TMTC1: variants seen among roughly 807,000 people sequenced by gnomAD.
TMTC1 encodes the protein transmembrane O-mannosyltransferase targeting cadherins 1.
In TMTC1, 73 loss-of-function variants were observed where a neutral mutation model predicts 104.8. The ratio of observed to expected loss-of-function variants is 0.70; its 90% CI spans 0.58 to 0.85. The LOEUF is 0.85. Among genes scored for constraint, TMTC1 ranks in the 40% least tolerant of loss-of-function variants. TMTC1 has a pLI of 0.00. For synonymous variants in TMTC1, 434 were observed against 428.7 expected (o/e 1.01, Z -0.15); for missense variants, 1,035 against 1,096.1 (o/e 0.94, Z 0.79).
chr12:29,722,859 T>A (rs1184108338), intron 5 of TMTC1, among the ~76,000 whole-genome samples: 1 of 146,380 alleles, frequency 6.8e-6, no homozygotes, highest in Non-Finnish European at 1.5e-5. Flanking sequence ...AGGCAGAGGT[T>A]GCAGTGAGCT....
chr12:29,608,139 A>T (rs167253), intron 6 of TMTC1, among the ~76,000 whole-genome samples: 65,271 of 151,990 alleles, frequency 0.43, 14,402 homozygotes, highest in African/African-American at 0.49. Flanking sequence ...CTTATTTGAA[A>T]AACATATCAA....
chr12:29,531,056 A>T (rs188001462), intron 11 of TMTC1, among the ~76,000 whole-genome samples: 25 of 152,270 alleles, frequency 1.6e-4, no homozygotes, highest in African/African-American at 6.0e-4. Flanking sequence ...CTTGTGTTAG[A>T]CATTGGGGAG....
At chr12:29,511,468 C>T (rs1353034959) in intron 17 of TMTC1, among the ~76,000 whole-genome samples, 1 of 152,110 alleles carries the variant, frequency 6.6e-6, no homozygotes, top group Non-Finnish European at 1.5e-5. Context: ...GCGAATCGTT[C>T]ATTGCATTAG....
chr12:29,665,297 G>A (rs1940233676), intron 5 of TMTC1, among the ~76,000 whole-genome samples: 2 of 152,176 alleles, frequency 1.3e-5, no homozygotes, highest in South Asian at 2.1e-4. Flanking sequence ...AAGGTTATTG[G>A]CATTGTAAAA....
intron 11 of TMTC1, among the ~76,000 whole-genome samples, chr12:29,521,798 C>T (rs1010531253): frequency 1.3e-5 from 2 of 151,976 alleles, no homozygotes; most frequent in African/African-American, 4.8e-5. Context: ...AAACTCCTGG[C>T]CTCAAGTGAT....
intron 5 of TMTC1, among the ~76,000 whole-genome samples, chr12:29,643,630 A>ATATATAATATATATTTTATAT (rs1555180717): frequency 1.1e-4 from 3 of 26,792 alleles, no homozygotes; most frequent in Non-Finnish European, 1.8e-4. Flanking sequence ...TCTATATATT[A>ATATATAATATATATTTTATAT]TATATATAAT....
intron 6 of TMTC1, among the ~76,000 whole-genome samples, chr12:29,618,810 T>C (rs1009302238): frequency 1.3e-5 from 2 of 152,202 alleles, no homozygotes; most frequent in East Asian, 3.8e-4. Flanking sequence ...GGTGTGCTCC[T>C]TTAAATAGAA....
At chr12:29,560,530 T>C (rs1227955261) in intron 9 of TMTC1, among the ~76,000 whole-genome samples, 1 of 152,056 alleles carries the variant, frequency 6.6e-6, no homozygotes, top group Non-Finnish European at 1.5e-5. Flanking sequence ...AGGTCAAGGC[T>C]GGCAGATCGC....
intron 17 of TMTC1, among the ~76,000 whole-genome samples, chr12:29,508,404 T>C (rs906608318): frequency 6.6e-6 from 1 of 152,202 alleles, no homozygotes; most frequent in Non-Finnish European, 1.5e-5. Context: ...GGTCTAAGAG[T>C]GCTCTCAAAA....
chr12:29,586,326 A>G (rs1305777711), intron 7 of TMTC1, among the ~76,000 whole-genome samples: 4 of 152,094 alleles, frequency 2.6e-5, no homozygotes, highest in Non-Finnish European at 5.9e-5. Context: ...CAGCTTAAGG[A>G]GATTTTGGGC....
rs80293535 is a variant in TMTC1 at position 29,770,231 on chromosome 12, C to T, written c.303-2156G>A. Among the ~76,000 whole-genome samples the T allele has an allele frequency of 3.9e-5, 6 of 152,274 alleles. No individual in the cohort carries two copies. In the East Asian group the frequency reaches 1.2e-3, roughly 29 times the overall value. ...AGCATCATTAAAGATGGCATTATTA[C>T]TATGTTACCTATACTCTTATCAGGT... On this transcript the variant is annotated intron_variant, in intron 1 of 17. Coordinates refer to ENST00000539277, the MANE Select transcript of TMTC1 (RefSeq NM_001193451.2).
chr12:29,641,012 G>A (rs1218062613), intron 5 of TMTC1: 1 of 152,126 alleles, frequency 6.6e-6, no homozygotes, highest in Non-Finnish European at 1.5e-5. Flanking sequence ...AGCAGAGGCA[G>A]CCGTAATCCT....
intron 5 of TMTC1, among the ~76,000 whole-genome samples, chr12:29,696,582 C>A (rs1941431445): frequency 6.6e-6 from 1 of 152,126 alleles, no homozygotes; most frequent in Admixed American, 6.6e-5. Context: ...AATGTTATTG[C>A]TTACTTTCTT....
chr12:29,598,800 T>C (rs1396808286), intron 7 of TMTC1, among the ~76,000 whole-genome samples: 1 of 152,214 alleles, frequency 6.6e-6, no homozygotes, highest in African/African-American at 2.4e-5. Flanking sequence ...CGCTAATGAA[T>C]TCATTTATTA....
Position 29,773,087 on chromosome 12 carries a change from A to G in TMTC1, c.303-5012T>C, listed in dbSNP as rs150916647. Among the ~76,000 whole-genome samples the G allele has an allele frequency of 3.9e-5, 6 of 152,310 alleles. No homozygotes were observed. The East Asian group carries it at 1.2e-3, about 29-fold the overall frequency. ...ATTTTTGGAAATAATCTTAATAGCC[A>G]TCTCTCACTATCTGAAAACCTTCCA... is the stretch of plus-strand genomic sequence containing the variant. On this transcript the variant is annotated intron_variant, in intron 1 of 17. Transcript: ENST00000539277.
chr12:29,593,467 A>G (rs934785247), intron 7 of TMTC1, among the ~76,000 whole-genome samples: 11 of 152,360 alleles, frequency 7.2e-5, no homozygotes, highest in South Asian at 2.1e-4. Context: ...TAATTTCATT[A>G]TAAGTTTTTT....
intron 5 of TMTC1, among the ~76,000 whole-genome samples, chr12:29,644,995 C>A (rs1053684567): frequency 4.6e-5 from 7 of 152,144 alleles, no homozygotes; most frequent in African/African-American, 7.2e-5. Context: ...TGGCACACTG[C>A]CCTGTAACTG....
intron 17 of TMTC1, 31 bp downstream of exon 17, chr12:29,512,012 C>T (rs1489678419): frequency 1.3e-5 from 20 of 1,595,770 alleles, no homozygotes; most frequent in Admixed American, 8.3e-5. Flanking sequence ...GGGGAAAGCC[C>T]GGTCCACATG....
chr12:29,610,721 A>T (rs1355213345), intron 6 of TMTC1, among the ~76,000 whole-genome samples: 1 of 152,244 alleles, frequency 6.6e-6, no homozygotes, highest in African/African-American at 2.4e-5. Context: ...CTCTTGTGAC[A>T]TGAGCACAAC....
Sources: allele counts gnomAD v4.1 joint callset (sites outside exome capture counted in the v4.1 genomes callset), GRCh38; gene constraint gnomAD v4.1.1; transcripts MANE v1.5; gene names NCBI Gene and HGNC (gene_info 2026-07-23, HGNC 2026-07-21).